Variants in ZNF782 observed in about 807,000 individuals in gnomAD.
ZNF782 encodes the protein zinc finger protein 782.
Under a neutral mutation model 13.0 loss-of-function variants are expected in ZNF782, and 12 were observed. That is an observed-to-expected ratio of 0.92 (90% CI 0.59 to 1.50). ZNF782 has a LOEUF of 1.50. ZNF782 is among the 40% of genes most tolerant of loss of function. The pLI is 0.00. For missense variants in ZNF782, 770 were observed against 822.9 expected, an observed-to-expected ratio of 0.94 and a Z score of 0.79; for synonymous variants, 284 against 283.0, an observed-to-expected ratio of 1.00 and a Z score of -0.04.
chr9:96,878,111 C>A (rs1312593741), upstream of ZNF782, among the ~76,000 whole-genome samples: 2 of 152,184 alleles, frequency 1.3e-5, no homozygotes, highest in Non-Finnish European at 2.9e-5. Flanking sequence ...TGCAATGCTG[C>A]GATCTCAGCT....
chr9:96,861,606 G>C (rs1271263014), intron 1 of ZNF782: 2 of 154,048 alleles, frequency 1.3e-5, no homozygotes, highest in Non-Finnish European at 2.9e-5. Flanking sequence ...GTGAGATCCT[G>C]TTTCAAAAAT....
the ZNF782 span, among the ~76,000 whole-genome samples, chr9:96,926,815 C>T: frequency 2.6e-5 from 4 of 152,114 alleles, no homozygotes; most frequent in African/African-American, 7.2e-5. Flanking sequence ...TCGAAAGGGG[C>T]AAATGCTTCT....
intron 1 of ZNF782, among the ~76,000 whole-genome samples, chr9:96,862,790 G>A (rs182382417): frequency 6.6e-6 from 1 of 152,342 alleles, no homozygotes; most frequent in East Asian, 1.9e-4. Flanking sequence ...TTTCGTCACT[G>A]TATAAACTGG....
rs144697834 is a variant in ZNF782, at chr9:96,845,140, T to C, written c.16-124A>G. ...AACAAAATGCTATAAGGGATTCTTA[T>C]TAAGGCCCTAATTCTGCCTTACTTT... is the stretch of plus-strand genomic sequence containing the variant. On this transcript the variant is annotated intron_variant, in intron 3 of 5. Coordinates refer to ENST00000481138, the MANE Select transcript of ZNF782 (RefSeq NM_001001662.3). The C allele has an allele frequency of 2.2e-4, 264 of 1,188,252 alleles. 2 individuals are homozygous for C. The African/African-American group carries it at 3.4e-3, about 15-fold the overall frequency. The allele number at this position is 1,188,252 out of a possible 1,614,324, so 73.6% of individuals were successfully genotyped here.
chr9:96,821,168 A>G (rs1850404575), intron 5 of ZNF782, among the ~76,000 whole-genome samples: 1 of 152,254 alleles, frequency 6.6e-6, no homozygotes. Flanking sequence ...CCTTAAATAT[A>G]CTGCCTTAGT....
rs544052930 is a variant in ZNF782 at position 96,817,822 on chromosome 9, A to G, written c.*101T>C. On this transcript the variant is annotated 3_prime_UTR_variant, in exon 6 of 6. Transcript: ENST00000481138. The stretch of plus-strand genomic sequence containing the variant: ...AGGCTGAAATTGTAGAGGAAATTCC[A>G]GTGCTCACTATGTTAACAGTTCTCT... 1.1e-3 allele frequency: 1,129 copies of G among 1,013,972 alleles called. 3 individuals carry two copies. Among genetic ancestry groups the G allele is most frequent in the Admixed American group, 2.0e-3 (69 of 33,818 alleles). 62.8% of individuals were successfully genotyped at this position (1,013,972 alleles called of 1,614,324 possible). A position where few individuals can be genotyped will look rare whatever the true frequency, so the allele number is the denominator to read the frequency against.
intron 3 of ZNF782, 104 bp from the exon 4 acceptor site, chr9:96,845,120 A>G: frequency 7.0e-7 from 1 of 1,422,882 alleles, no homozygotes; most frequent in Non-Finnish European, 9.6e-7. Context: ...TTTAAAACAA[A>G]ATGCTATAAG....
At chr9:96,922,104 A>T in the ZNF782 span, among the ~76,000 whole-genome samples, 1 of 151,514 alleles carries the variant, frequency 6.6e-6, no homozygotes, top group African/African-American at 2.4e-5. Flanking sequence ...AATTTGCATA[A>T]TTCTGTCTCC....
At chr9:96,886,865 G>A in the ZNF782 span, among the ~76,000 whole-genome samples, 1 of 149,054 alleles carries the variant, frequency 6.7e-6, no homozygotes, top group Non-Finnish European at 1.5e-5. Context: ...GGAGGTTGCA[G>A]TGAGCCAGGA....
chr9:96,878,993 CT>C (rs548531497), upstream of ZNF782, among the ~76,000 whole-genome samples: 469 of 152,200 alleles, frequency 3.1e-3, 4 homozygotes, highest in African/African-American at 0.011. Context: ...CCATAAATTT[CT>C]TTTAAAAAAA....
At chr9:96,926,956 C>T in the ZNF782 span, among the ~76,000 whole-genome samples, 1 of 152,164 alleles carries the variant, frequency 6.6e-6, no homozygotes, top group Non-Finnish European at 1.5e-5. Flanking sequence ...ACATCTGTGT[C>T]TCAGATTTTC....
At chr9:96,832,242 T>C (rs867236765) in intron 4 of ZNF782, among the ~76,000 whole-genome samples, 15 of 152,296 alleles carry the variant, frequency 9.8e-5, no homozygotes, top group Middle Eastern at 6.8e-3. Context: ...TGAGGTGGAG[T>C]GTAAAGATGA....
the ZNF782 span, chr9:96,894,707 A>G: frequency 2.6e-5 from 4 of 152,094 alleles, no homozygotes; most frequent in Non-Finnish European, 5.9e-5. Context: ...ATCTTTAACA[A>G]GAGGACATGC....
At chr9:96,918,836 G>A in the ZNF782 span, 2 of 171,298 alleles carry the variant, frequency 1.2e-5, no homozygotes, top group African/African-American at 4.8e-5. Flanking sequence ...TCTGTATTGA[G>A]ACAAAGGAAA....
At chr9:96,829,904 A>G (rs1850743407) in intron 4 of ZNF782, among the ~76,000 whole-genome samples, 1 of 152,226 alleles carries the variant, frequency 6.6e-6, no homozygotes, top group Non-Finnish European at 1.5e-5. Flanking sequence ...AACTATGGAT[A>G]TTATATATTT....
intron 4 of ZNF782, among the ~76,000 whole-genome samples, chr9:96,830,266 G>A (rs1254030412): frequency 1.3e-5 from 2 of 152,196 alleles, no homozygotes; most frequent in Non-Finnish European, 2.9e-5. Flanking sequence ...TCAAATGTCT[G>A]TGCTCACCAG....
upstream of ZNF782, among the ~76,000 whole-genome samples, chr9:96,854,752 A>G (rs1851616189): frequency 6.6e-6 from 1 of 152,206 alleles, no homozygotes; most frequent in Non-Finnish European, 1.5e-5. Flanking sequence ...AAATACAAAG[A>G]GTAGCCCTCC....
chr9:96,919,509 G>A, the ZNF782 span, among the ~76,000 whole-genome samples: 1 of 116,864 alleles, frequency 8.6e-6, no homozygotes, highest in African/African-American at 3.3e-5. Flanking sequence ...TAGCATCAGT[G>A]CAACTTAAAG....
At chr9:96,835,630 C>T (rs1382680916) in intron 4 of ZNF782, among the ~76,000 whole-genome samples, 1 of 152,206 alleles carries the variant, frequency 6.6e-6, no homozygotes. Flanking sequence ...GCTTGTGCTG[C>T]ATAAGCCTTA....
Sources: gnomAD v4.1 joint callset for allele counts (sites outside exome capture counted in the v4.1 genomes callset) on GRCh38, gnomAD v4.1.1 for gene constraint, MANE v1.5 for transcripts, NCBI Gene and HGNC (gene_info 2026-07-23, HGNC 2026-07-21) for gene names.